Variants in PRKN observed in about 807,000 individuals in gnomAD.
PRKN encodes parkin RBR E3 ubiquitin protein ligase.
PRKN carries 56 observed loss-of-function variants against 59.5 expected under a neutral mutation model. The observed-to-expected ratio is 0.94, with a 90% CI of 0.76 to 1.18. The LOEUF (loss-of-function observed/expected upper bound fraction) is 1.18, where lower values mean the gene tolerates loss of function less well. Among genes scored for constraint, PRKN ranks in the 50% most tolerant of loss-of-function variants. The probability of loss-of-function intolerance (pLI) is 0.00; values close to 1 mark genes in which losing one functional copy is unlikely to be tolerated. For missense variants in PRKN, 657 were observed against 596.4 expected (o/e 1.10, Z -1.06); for synonymous variants, 250 against 222.1 (o/e 1.13, Z -1.12).
chr6:161,821,719 C>CTTTTTTTTTTTTTTTTTTTTTTTTTT lies in PRKN; in HGVS notation c.735-35837_735-35812dup, dbSNP rs531807176. Among the ~76,000 whole-genome samples the CTTTTTTTTTTTTTTTTTTTTTTTTTT allele has an allele frequency of 7.7e-5, 5 of 64,672 alleles. 2 individuals carry two copies. The Admixed American group carries it at 7.8e-4, about 10-fold the overall frequency. The allele number at this position is 64,672 out of a possible 152,430, so 42.4% of individuals were successfully genotyped here. A position where few individuals can be genotyped will look rare whatever the true frequency, so the allele number is the denominator to read the frequency against. On this transcript the variant is annotated intron_variant, in intron 6 of 11. Transcript: ENST00000366898. ...TTTGGAAAATATTTCCACTGGTGTT[C>CTTTTTTTTTTTTTTTTTTTTTTTTTT]TTTTTTTTTTTTTTTTTTTTTTTTT... is the stretch of plus-strand genomic sequence containing the variant.
chr6:162,257,456 G>T (rs566422362), intron 3 of PRKN, among the ~76,000 whole-genome samples: 1 of 152,096 alleles, frequency 6.6e-6, no homozygotes, highest in East Asian at 1.9e-4. Flanking sequence ...ACATCTAGAG[G>T]AAATGCAAAA....
In PRKN at chr6:161,350,119, C is replaced by G. The variant is rs1784460711; in HGVS notation, c.1378G>C (p.Asp460His). Residue 460 changes from aspartate to histidine, a missense_variant, in exon 12 of 12, where the codon GAC (aspartate) becomes CAC (histidine). Physicochemically the swap from Asp to His is moderately conservative, Grantham distance 81. Coordinates refer to ENST00000366898, the MANE Select transcript of PRKN (RefSeq NM_004562.3). ...GCEWNRVCMGDHWFDV is the reference protein window; with the variant it reads ...GCEWNRVCMGHHWFDV ...CCTGGCTACACGTCGAACCAGTGGTCCCCCATGCAGACGCGGTTCCACTCG... is the reference window on the plus strand; with the variant it reads ...CCTGGCTACACGTCGAACCAGTGGTGCCCCATGCAGACGCGGTTCCACTCG... 2 of 1,612,848 alleles carry G rather than the reference C, an allele frequency of 1.2e-6. No individual in the cohort carries two copies. The highest frequency in any genetic ancestry group is 2.2e-5 in the East Asian group (1 of 44,856).
At chr6:162,052,285 T>C (rs1777675401) in intron 5 of PRKN, among the ~76,000 whole-genome samples, 1 of 152,152 alleles carries the variant, frequency 6.6e-6, no homozygotes, top group Non-Finnish European at 1.5e-5. Flanking sequence ...TATATATAAT[T>C]CTAGAATTTC....
rs576718166 is a variant in PRKN, at chr6:161,386,714, T to C, written c.1167+80A>G. On this transcript the variant is annotated intron_variant, in intron 10 of 11. Transcript: ENST00000366898. The surrounding 1 kb of genome is among the most constrained non-coding windows in gnomAD (Gnocchi z 4.3). ...TTCTTGCTTTTTTAGAATGGAACTC[T>C]CCATGACCTCCAGGAAACGGCTCCA... is the stretch of plus-strand genomic sequence containing the variant. The C allele has an allele frequency of 9.1e-6, 10 of 1,093,442 alleles. No homozygotes were observed. In the African/African-American group the frequency reaches 1.4e-4, roughly 15 times the overall value. The allele number at this position is 1,093,442 out of a possible 1,614,324, so 67.7% of individuals were successfully genotyped here.
chr6:161,962,787 G>A (rs1160178287), intron 6 of PRKN, among the ~76,000 whole-genome samples: 6 of 151,648 alleles, frequency 4.0e-5, no homozygotes, highest in Admixed American at 6.6e-5. Flanking sequence ...CACCTGCTTC[G>A]GCCTCCCAAA....
chr6:161,461,086 T>G lies in PRKN; in HGVS notation c.1084-74209A>C, dbSNP rs1211020732. ...AGTCATCTTTATCATAAGTACTTAC[T>G]GTCTATTAACCCCATAAACATTCCA... On this transcript the variant is annotated intron_variant, in intron 9 of 11. Transcript: ENST00000366898. The surrounding 1 kb of genome is among the most constrained non-coding windows in gnomAD (Gnocchi z 5.1). 6.6e-6 allele frequency among the ~76,000 whole-genome samples: 1 copy of G among 152,146 alleles called. No individual in the cohort carries two copies. Among genetic ancestry groups the G allele is most frequent in the African/African-American group, 2.4e-5 (1 of 41,432 alleles).
intron 6 of PRKN, among the ~76,000 whole-genome samples, chr6:161,912,551 T>C (rs921259167): frequency 1.3e-5 from 2 of 151,624 alleles, no homozygotes; most frequent in African/African-American, 4.8e-5. Flanking sequence ...AACTAAGAAG[T>C]ACAGCTGCAA....
chr6:161,824,646 A>C (rs1196938035), intron 6 of PRKN, among the ~76,000 whole-genome samples: 1 of 152,234 alleles, frequency 6.6e-6, no homozygotes, highest in Non-Finnish European at 1.5e-5. Flanking sequence ...AAATGCCTGC[A>C]GAAGCAAGTG....
intron 5 of PRKN, among the ~76,000 whole-genome samples, chr6:162,003,700 G>A (rs946475628): frequency 6.6e-6 from 1 of 152,104 alleles, no homozygotes; most frequent in East Asian, 1.9e-4. Context: ...GCATTGACCT[G>A]TTAAAGATCA....
intron 7 of PRKN, among the ~76,000 whole-genome samples, chr6:161,723,947 A>G (rs1250843495): frequency 1.3e-5 from 2 of 152,072 alleles, no homozygotes; most frequent in African/African-American, 4.8e-5. Flanking sequence ...CACCCTCTCC[A>G]CTGCGCACTC....
chr6:162,128,171 G>A (rs1384445050), intron 4 of PRKN, among the ~76,000 whole-genome samples: 2 of 152,196 alleles, frequency 1.3e-5, no homozygotes. Flanking sequence ...GAGGGCAAGA[G>A]CCATGTCTCT....
At position 162,592,337 on chromosome 6, in the gene PRKN, A is replaced by G. The variant is rs550184062; in HGVS notation, c.7+135325T>C. On this transcript the variant is annotated intron_variant, in intron 1 of 11. Transcript: ENST00000366898. Reference sequence around the variant, plus strand: ...GCTCTGTGGAATAGGTAGGCTATTTATAATCCAATTAGATGTATTTATCTT... The same window carrying G: ...GCTCTGTGGAATAGGTAGGCTATTTGTAATCCAATTAGATGTATTTATCTT... 4.9e-4 allele frequency among the ~76,000 whole-genome samples: 75 copies of G among 152,328 alleles called. No homozygotes were observed. In the South Asian group the frequency reaches 0.015, roughly 31 times the overall value.
chr6:161,350,302 A>G (rs900917735), intron 11 of PRKN, 91 bp from the exon 12 acceptor site: 5 of 825,298 alleles, frequency 6.1e-6, no homozygotes, highest in African/African-American at 5.0e-5. Context: ...CCTAGACATC[A>G]CTTTCTGAGC....
chr6:161,596,316 T>G (rs1475642948), intron 7 of PRKN, among the ~76,000 whole-genome samples: 1 of 152,052 alleles, frequency 6.6e-6, no homozygotes, highest in Non-Finnish European at 1.5e-5. Flanking sequence ...AAAAAAACAC[T>G]TTTCTGGAAA....
chr6:161,528,825 A>C (rs756394803), intron 9 of PRKN, among the ~76,000 whole-genome samples: 1 of 152,158 alleles, frequency 6.6e-6, no homozygotes, highest in Non-Finnish European at 1.5e-5. Context: ...GGTGAAGTCC[A>C]ATGAGAATCT....
At chr6:162,386,795 A>T (rs888688966) in intron 2 of PRKN, among the ~76,000 whole-genome samples, 1 of 152,264 alleles carries the variant, frequency 6.6e-6, no homozygotes, top group Non-Finnish European at 1.5e-5. Flanking sequence ...GATTCCAATC[A>T]AAATCTAAAA....
chr6:162,141,229 T>C (rs1781766038), intron 4 of PRKN, among the ~76,000 whole-genome samples: 1 of 152,198 alleles, frequency 6.6e-6, no homozygotes, highest in Non-Finnish European at 1.5e-5. Context: ...CACGTTTTTG[T>C]AAACTTTGAC....
At chr6:162,505,543 T>C (rs1431658538) in intron 1 of PRKN, among the ~76,000 whole-genome samples, 1 of 152,076 alleles carries the variant, frequency 6.6e-6, no homozygotes, top group Non-Finnish European at 1.5e-5. Context: ...CATGTCAGGT[T>C]GAGAGCAGTT....
At chr6:162,248,077 T>C (rs1471933265) in intron 3 of PRKN, among the ~76,000 whole-genome samples, 1 of 152,164 alleles carries the variant, frequency 6.6e-6, no homozygotes, top group Non-Finnish European at 1.5e-5. Flanking sequence ...TGGAAAGCCT[T>C]AGGTTTGTTT....
Sources: allele counts gnomAD v4.1 joint callset (sites outside exome capture counted in the v4.1 genomes callset), GRCh38; gene constraint gnomAD v4.1.1; non-coding constraint Gnocchi (gnomAD v3.1); transcripts MANE v1.5; gene names NCBI Gene and HGNC (gene_info 2026-07-23, HGNC 2026-07-21).